Variants in RDX observed in about 807,000 individuals in gnomAD.
The protein encoded by RDX is deafness, autosomal recessive 24.
In RDX, 32 loss-of-function variants were observed where a neutral mutation model predicts 83.7. The ratio of observed to expected loss-of-function variants is 0.38; its 90% confidence interval spans 0.29 to 0.51. The LOEUF (loss-of-function observed/expected upper bound fraction) is 0.51, where lower values mean the gene tolerates loss of function less well. Ranked by LOEUF, RDX falls within the 20% of genes least tolerant of loss-of-function variation. The probability of loss-of-function intolerance (pLI) is 0.87; values close to 1 mark genes in which losing one functional copy is unlikely to be tolerated. For missense variants in RDX, 600 were observed against 689.9 expected (o/e 0.87, Z 1.46); for synonymous variants, 229 against 222.7 (o/e 1.03, Z -0.25).
downstream of RDX, among the ~76,000 whole-genome samples, chr11:110,225,839 G>T (rs1864413584): frequency 6.6e-6 from 1 of 151,868 alleles, no homozygotes; most frequent in Admixed American, 6.6e-5. Context: ...CTGAGGTTAG[G>T]AGTTCAAGAC....
In RDX at chr11:110,258,200, C is replaced by CA. The variant is rs368429159; in HGVS notation, c.468-12dup. On this transcript the variant is annotated splice_polypyrimidine_tract_variant and intron_variant, in intron 5 of 13. Transcript: ENST00000645495. ...TGTTGTTCCAATACACTAAGAGGAC[C>CA]AAAAAAAAAAAAAAATTATAATGAC... 74,995 of 1,178,800 alleles carry CA rather than the reference C, an allele frequency of 0.064. 22 individuals are homozygous for CA. Among genetic ancestry groups the CA allele is most frequent in the Non-Finnish European group, 0.066 (56,751 of 857,846 alleles). The allele number at this position is 1,178,800 out of a possible 1,614,324, so 73.0% of individuals were successfully genotyped here.
At chr11:110,209,316 G>C (rs1343508992) in intron 14 of RDX, among the ~76,000 whole-genome samples, 37 of 151,182 alleles carry the variant, frequency 2.4e-4, no homozygotes, top group Non-Finnish European at 4.3e-4. Context: ...GATTATATCC[G>C]GCACCTGGCT....
intron 3 of RDX, among the ~76,000 whole-genome samples, chr11:110,268,979 A>C (rs767075656): frequency 7.3e-5 from 11 of 149,674 alleles, no homozygotes; most frequent in Non-Finnish European, 1.5e-4. Context: ...ACATATATAT[A>C]TATTTTTTTA....
At chr11:110,263,015 C>T (rs1859864196) in intron 5 of RDX, among the ~76,000 whole-genome samples, 1 of 152,212 alleles carries the variant, frequency 6.6e-6, no homozygotes, top group Non-Finnish European at 1.5e-5. Flanking sequence ...TGGCTCACGC[C>T]TGTAATCCCA....
At chr11:110,189,062 G>A (rs1476954018) in intron 15 of RDX, among the ~76,000 whole-genome samples, 2 of 151,220 alleles carry the variant, frequency 1.3e-5, no homozygotes, top group African/African-American at 4.9e-5. Context: ...TGACAAATTC[G>A]ACTTTAAAAA....
chr11:110,208,290 T>C (rs1358931471), intron 14 of RDX, among the ~76,000 whole-genome samples: 1 of 152,252 alleles, frequency 6.6e-6, no homozygotes, highest in East Asian at 1.9e-4. Context: ...GAATGTAGCG[T>C]TCTCCTCTGG....
At chr11:110,213,942 T>C (rs1288908562) in intron 14 of RDX, among the ~76,000 whole-genome samples, 4 of 95,834 alleles carry the variant, frequency 4.2e-5, no homozygotes, top group African/African-American at 1.2e-4. Flanking sequence ...AAGGACTTCA[T>C]GTCTAAAACA....
chr11:110,204,045 CAAGAA>C (rs1863512310), intron 14 of RDX, among the ~76,000 whole-genome samples: 1 of 130,908 alleles, frequency 7.6e-6, no homozygotes, highest in Non-Finnish European at 1.7e-5. Flanking sequence ...CCATCTCAAA[CAAGAA>C]AAGAAATGAG....
At chr11:110,187,380 G>T (rs572779099) in intron 15 of RDX, among the ~76,000 whole-genome samples, 28 of 152,102 alleles carry the variant, frequency 1.8e-4, no homozygotes, top group Admixed American at 1.2e-3. Flanking sequence ...TGCAGGAGGC[G>T]CTCTCTTTGC....
At chr11:110,177,653 G>A (rs950516565) in intron 15 of RDX, among the ~76,000 whole-genome samples, 3 of 151,988 alleles carry the variant, frequency 2.0e-5, no homozygotes, top group African/African-American at 7.3e-5. Context: ...GTGTGTATGT[G>A]TGTGTGTTTT....
chr11:110,272,566 G>A lies in RDX; in HGVS notation c.66C>T (p.Pro22=). 6.2e-7 allele frequency: 1 copy of A among 1,612,066 alleles called. No homozygotes were observed. The highest frequency in any genetic ancestry group is 8.5e-7 in the Non-Finnish European group (1 of 1,179,102). Residue 22 remains proline (P), a synonymous_variant, in exon 3 of 14, where the codon CCC becomes CCT. Coordinates refer to ENST00000645495, the MANE Select transcript of RDX (RefSeq NM_002906.4). ...CAAAAAGTTGTTTGCCAGTTGTATT[G>A]GGCTGAATGGCAAATTCCAGCTCAG... ...MDAELEFAIQ[P]NTTGKQLFDQ...
chr11:110,263,899 AT>A, intron 5 of RDX, 60 bp downstream of exon 5: 2 of 1,356,944 alleles, frequency 1.5e-6, no homozygotes, highest in South Asian at 2.5e-5. Flanking sequence ...AAAACGTTTT[AT>A]TTATAGACTT....
intron 10 of RDX, among the ~76,000 whole-genome samples, chr11:110,241,467 T>C (rs1390676123): frequency 6.6e-6 from 1 of 152,142 alleles, no homozygotes; most frequent in Non-Finnish European, 1.5e-5. Flanking sequence ...CAGCTAATTT[T>C]TTTATTTTTA....
At chr11:110,195,054 G>A (rs1161611777) in intron 15 of RDX, among the ~76,000 whole-genome samples, 2 of 151,936 alleles carry the variant, frequency 1.3e-5, no homozygotes, top group Non-Finnish European at 2.9e-5. Flanking sequence ...GCAGTGGTGC[G>A]ATCTCAGCTC....
At chr11:110,240,791 T>C (rs1358701312) in intron 10 of RDX, among the ~76,000 whole-genome samples, 9 of 145,102 alleles carry the variant, frequency 6.2e-5, no homozygotes, top group African/African-American at 2.3e-4. Context: ...CGGTGGTTCA[T>C]GCCTGTACTC....
intron 12 of RDX, among the ~76,000 whole-genome samples, chr11:110,234,672 T>C (rs546354058): frequency 5.3e-5 from 8 of 152,168 alleles, no homozygotes; most frequent in Non-Finnish European, 1.2e-4. Flanking sequence ...TCATAAATCA[T>C]CCCTAAAAGG....
intron 7 of RDX, among the ~76,000 whole-genome samples, chr11:110,256,440 T>C (rs1055188723): frequency 2.0e-5 from 3 of 152,332 alleles, no homozygotes; most frequent in East Asian, 1.9e-4. Context: ...GCTACGTTTA[T>C]ATGCTACTTT....
Position 110,279,731 on chromosome 11 carries a change from A to G in RDX, c.-39T>C. ...TTGTTACCTTCTTTAAAAATTCTCC[A>G]CTTCAATGAATTCTGTTATCACTTT... On this transcript the variant is annotated 5_prime_UTR_variant, in exon 2 of 14. Coordinates refer to ENST00000645495, the MANE Select transcript of RDX (RefSeq NM_002906.4). The G allele has an allele frequency of 7.3e-7, 1 of 1,362,954 alleles. No homozygotes were observed. The highest frequency in any genetic ancestry group is 1.0e-6 in the Non-Finnish European group (1 of 957,866). The allele number at this position is 1,362,954 out of a possible 1,614,324, so 84.4% of individuals were successfully genotyped here.
chr11:110,231,839 A>G lies in RDX; in HGVS notation c.*30T>C, dbSNP rs752353543. ...CTTTTCTCTGTTGGTGGTTCAGCTT[A>G]TGAAGAACATATATGCAAAATAACA... On this transcript the variant is annotated 3_prime_UTR_variant, in exon 14 of 14. Coordinates refer to ENST00000645495, the MANE Select transcript of RDX (RefSeq NM_002906.4). The G allele has an allele frequency of 1.6e-5, 26 of 1,610,846 alleles. No homozygotes were observed. The highest frequency in any genetic ancestry group is 2.2e-5 in the Non-Finnish European group (26 of 1,179,480).
Sources: allele counts gnomAD v4.1 joint callset (sites outside exome capture counted in the v4.1 genomes callset), GRCh38; gene constraint gnomAD v4.1.1; transcripts MANE v1.5; gene names NCBI Gene and HGNC (gene_info 2026-07-23, HGNC 2026-07-21).